Variants in FBN1 observed in about 807,000 individuals in gnomAD.
The protein encoded by FBN1 is fibrillin-1.
Under a neutral mutation model 365.1 loss-of-function variants are expected in FBN1, and 29 were observed. That is an observed-to-expected ratio of 0.08 (90% CI 0.06 to 0.11). The LOEUF is 0.11. Ranked by LOEUF, FBN1 falls within the 10% of genes least tolerant of loss-of-function variation. FBN1 has a pLI of 1.00. For synonymous variants in FBN1, 1,210 were observed against 1,270.5 expected (o/e 0.95, Z 1.01); for missense variants, 2,476 against 3,703.2 (o/e 0.67, Z 8.60).
intron 2 of FBN1, among the ~76,000 whole-genome samples, chr15:48,635,247 C>A (rs1022664054): frequency 1.3e-5 from 2 of 152,160 alleles, no homozygotes; most frequent in African/African-American, 4.8e-5. Context: ...TTTTTGCTTT[C>A]TCTCTTCCGC....
chr15:48,413,357 G>C (rs762807409), intron 64 of FBN1, among the ~76,000 whole-genome samples: 7 of 152,222 alleles, frequency 4.6e-5, no homozygotes, highest in Non-Finnish European at 1.0e-4. Context: ...GCATGTATCA[G>C]AGTTTGCCCA....
intron 64 of FBN1, among the ~76,000 whole-genome samples, chr15:48,415,281 G>C (rs1441892980): frequency 6.6e-6 from 1 of 152,190 alleles, no homozygotes; most frequent in Non-Finnish European, 1.5e-5. Context: ...TGAAGATCAA[G>C]AGAATAAGAT....
intron 2 of FBN1, among the ~76,000 whole-genome samples, chr15:48,626,961 A>G (rs1003070826): frequency 6.6e-6 from 1 of 152,200 alleles, no homozygotes; most frequent in Non-Finnish European, 1.5e-5. Context: ...GCTCATTCTC[A>G]GATGAGGAAA....
chr15:48,607,050 A>G (rs1171638396), intron 4 of FBN1, among the ~76,000 whole-genome samples: 2 of 152,196 alleles, frequency 1.3e-5, no homozygotes, highest in African/African-American at 4.8e-5. Context: ...AGCCTCCAGA[A>G]CCACGAGCCA....
intron 6 of FBN1, among the ~76,000 whole-genome samples, chr15:48,543,292 C>T (rs1387918835): frequency 6.6e-6 from 1 of 152,118 alleles, no homozygotes; most frequent in African/African-American, 2.4e-5. Flanking sequence ...CCAACCCCTA[C>T]CCACTGCTGC....
rs552757426 is a variant in FBN1 at position 48,598,224 on chromosome 15, T to C, written c.443-1846A>G. Among the ~76,000 whole-genome samples the C allele has an allele frequency of 2.0e-5, 3 of 152,342 alleles. No homozygotes were observed. The South Asian group carries it at 6.2e-4, about 32-fold the overall frequency. On this transcript the variant is annotated intron_variant, in intron 5 of 65. Transcript: ENST00000316623. The stretch of plus-strand genomic sequence containing the variant: ...AACCCCAACTCTGCCGATTACCATC[T>C]ATATACCCTTAGAGGAACTACTGAG...
intron 2 of FBN1, among the ~76,000 whole-genome samples, chr15:48,633,919 A>G (rs1244792511): frequency 1.3e-5 from 2 of 152,172 alleles, no homozygotes; most frequent in African/African-American, 4.8e-5. Context: ...AAGCACCTTG[A>G]GCACTTGTTC....
chr15:48,414,389 T>C (rs968983247), intron 64 of FBN1, among the ~76,000 whole-genome samples: 6 of 152,118 alleles, frequency 3.9e-5, no homozygotes, highest in Admixed American at 3.9e-4. Context: ...TGTGGATGTG[T>C]GTGGGGGTGT....
chr15:48,543,864 A>C (rs2141365738), intron 6 of FBN1, among the ~76,000 whole-genome samples: 1 of 152,306 alleles, frequency 6.6e-6, no homozygotes, highest in African/African-American at 2.4e-5. Context: ...GAATGTCCTT[A>C]GTGCTTAGAG....
At chr15:48,614,551 A>G (rs972139222) in intron 2 of FBN1, among the ~76,000 whole-genome samples, 1 of 152,126 alleles carries the variant, frequency 6.6e-6, no homozygotes, top group Admixed American at 6.5e-5. Flanking sequence ...GGCACCACAC[A>G]TGCTTCACAC....
At chr15:48,570,013 C>A (rs1206974664) in intron 6 of FBN1, among the ~76,000 whole-genome samples, 1 of 151,954 alleles carries the variant, frequency 6.6e-6, no homozygotes, top group East Asian at 1.9e-4. Flanking sequence ...CAAACCAATT[C>A]TTATATTTAC....
In FBN1 at chr15:48,592,363, C is replaced by G. The variant is rs563893693; in HGVS notation, c.538+3920G>C. On this transcript the variant is annotated intron_variant, in intron 6 of 65. Transcript: ENST00000316623. The stretch of plus-strand genomic sequence containing the variant: ...CTCATATGATTCACTGTGTTTAATA[C>G]AAAGGCATTTAACAAGATTTTAAAT... Among the ~76,000 whole-genome samples, 5 of 152,212 alleles carry G rather than the reference C, an allele frequency of 3.3e-5. No homozygotes were observed. In the South Asian group the frequency reaches 1.0e-3, roughly 32 times the overall value.
In FBN1 at chr15:48,494,221, T is replaced by C. The variant is rs778951277; in HGVS notation, c.2711A>G (p.Lys904Arg). The change falls in exon 23 of 66, where the codon AAA becomes AGA. Residue 904 changes from lysine to arginine, a missense_variant. Transcript: ENST00000316623. ...AGAAATACCTTCACATTGTGTTCCT[T>C]TAATTCTTGAGTACCCTTTACCACA... ...PICGKGYSRI[K>R]GTQCEDIDEC... 2.4e-5 allele frequency: 39 copies of C among 1,612,766 alleles called. No individual in the cohort carries two copies. The highest frequency in any genetic ancestry group is 3.1e-5 in the Non-Finnish European group (37 of 1,179,082).
At chr15:48,596,505 C>A in intron 5 of FBN1, 127 bp from the exon 6 acceptor site, 1 of 838,476 alleles carries the variant, frequency 1.2e-6, no homozygotes, top group South Asian at 1.4e-5. Flanking sequence ...TTTGGACGGT[C>A]ACTCTACAGT....
Position 48,411,275 on chromosome 15 carries a change from G to C in FBN1, c.8331C>G (p.Ile2777Met), listed in dbSNP as rs1427984176. The C allele has an allele frequency of 6.2e-7, 1 of 1,613,940 alleles. No homozygotes were observed. The highest frequency in any genetic ancestry group is 1.7e-5 in the Admixed American group (1 of 59,976). The stretch of plus-strand genomic sequence containing the variant: ...TTGTAAGAGCTGGAAGGAGTTCTAG[G>C]ATTCGAACCTTGTTACTGACGTGGG... ...NISHVSNKVR[I>M]LELLPALTTL... Residue 2777 changes from isoleucine (I) to methionine (M), a missense_variant, in exon 66 of 66, where the codon ATC becomes ATG. Transcript: ENST00000316623.
rs1036504997 is a variant in FBN1 at position 48,425,942 on chromosome 15, A to C, written c.7205-78T>G. 20 of 1,101,176 alleles carry C rather than the reference A, an allele frequency of 1.8e-5. No homozygotes were observed. The Middle Eastern group carries it at 2.3e-3, about 128-fold the overall frequency. The allele number at this position is 1,101,176 out of a possible 1,614,324, so 68.2% of individuals were successfully genotyped here. ...AATATGTAGGGGGTCACTTCAGTGT[A>C]AATACTAATAAATTGTGTTACTATA... is the stretch of plus-strand genomic sequence containing the variant. On this transcript the variant is annotated intron_variant, in intron 58 of 65. Coordinates refer to ENST00000316623, the MANE Select transcript of FBN1 (RefSeq NM_000138.5).
chr15:48,464,152 TATTTCATTC>T (rs1253210973), intron 40 of FBN1, 131 bp from the exon 41 acceptor site: 2 of 837,882 alleles, frequency 2.4e-6, no homozygotes, highest in Non-Finnish European at 3.9e-6. Flanking sequence ...CGAAAATAGG[TATTTCATTC>T]ATCCGTGTCC....
At chr15:48,602,492 G>T (rs1321334161) in intron 4 of FBN1, among the ~76,000 whole-genome samples, 1 of 152,138 alleles carries the variant, frequency 6.6e-6, no homozygotes, top group African/African-American at 2.4e-5. Flanking sequence ...CATGCTGCCT[G>T]ATGATGACAT....
intron 59 of FBN1, 109 bp downstream of exon 59, chr15:48,425,630 G>T: frequency 6.5e-7 from 1 of 1,535,800 alleles, no homozygotes; most frequent in Non-Finnish European, 9.0e-7. Context: ...ATTGTCCTGT[G>T]CTTTCCTATG....
Sources: gnomAD v4.1 joint callset for allele counts (sites outside exome capture counted in the v4.1 genomes callset) on GRCh38, gnomAD v4.1.1 for gene constraint, MANE v1.5 for transcripts, NCBI Gene and HGNC (gene_info 2026-07-23, HGNC 2026-07-21) for gene names.